HS2ST1: variants seen among roughly 807,000 people sequenced by gnomAD.
HS2ST1 encodes the protein heparan sulfate 2-O-sulfotransferase 1, also known as 2-O-sulfotransferase.
HS2ST1 carries 18 observed loss-of-function variants against 42.9 expected under a neutral mutation model. The ratio of observed to expected loss-of-function variants is 0.42; its 90% confidence interval spans 0.29 to 0.62. The LOEUF (loss-of-function observed/expected upper bound fraction) is 0.62. HS2ST1 is among the 20% of genes least tolerant of loss of function. The probability of loss-of-function intolerance (pLI) is 0.21; values close to 1 mark genes in which losing one functional copy is unlikely to be tolerated. For synonymous variants in HS2ST1, 146 were observed against 152.9 expected (o/e 0.95, Z 0.33); for missense variants, 334 against 433.8 (o/e 0.77, Z 2.04).
At chr1:86,936,392 C>A (rs1660654099) in intron 1 of HS2ST1, among the ~76,000 whole-genome samples, 1 of 152,030 alleles carries the variant, frequency 6.6e-6, no homozygotes, top group Non-Finnish European at 1.5e-5. Context: ...GTATAATAGT[C>A]CTCGAGTTTC....
At chr1:87,063,177 CTTGT>C (rs1397479680) in intron 1 of HS2ST1, among the ~76,000 whole-genome samples, 6 of 152,086 alleles carry the variant, frequency 3.9e-5, no homozygotes, top group African/African-American at 1.4e-4. Flanking sequence ...TTCTTGAGCT[CTTGT>C]TTGTTTTTGT....
intron 1 of HS2ST1, among the ~76,000 whole-genome samples, chr1:87,064,182 C>T (rs1026466283): frequency 6.6e-6 from 1 of 152,158 alleles, no homozygotes; most frequent in Non-Finnish European, 1.5e-5. Context: ...CTTTCCTGGT[C>T]CTTTGGCTAC....
At chr1:87,073,874 G>A (rs1031154067) in intron 2 of HS2ST1, among the ~76,000 whole-genome samples, 2 of 152,186 alleles carry the variant, frequency 1.3e-5, no homozygotes, top group African/African-American at 4.8e-5. Context: ...TCCACCCCAT[G>A]AGAAGGAAAG....
intron 1 of HS2ST1, among the ~76,000 whole-genome samples, chr1:86,960,498 T>C (rs568993998): frequency 7.2e-5 from 11 of 152,328 alleles, no homozygotes; most frequent in Middle Eastern, 3.4e-3. Context: ...ACTAAAGAGA[T>C]AAGTCACAGA....
intron 1 of HS2ST1, among the ~76,000 whole-genome samples, chr1:87,007,083 G>A (rs1436004716): frequency 1.3e-5 from 2 of 151,990 alleles, no homozygotes; most frequent in Non-Finnish European, 1.5e-5. Flanking sequence ...TGGTCAACAA[G>A]TTCTGTATAG....
chr1:87,083,267 G>A (rs1651736076), intron 2 of HS2ST1, among the ~76,000 whole-genome samples: 1 of 152,142 alleles, frequency 6.6e-6, no homozygotes, highest in Non-Finnish European at 1.5e-5. Context: ...TTGATAAGTT[G>A]TCAGAATTAT....
At chr1:86,944,790 T>C (rs545336124) in intron 1 of HS2ST1, among the ~76,000 whole-genome samples, 10 of 152,142 alleles carry the variant, frequency 6.6e-5, no homozygotes, top group Non-Finnish European at 1.5e-4. Flanking sequence ...TAAATCTGCA[T>C]AGAACCATGA....
At chr1:86,937,250 A>T (rs1040750647) in intron 1 of HS2ST1, among the ~76,000 whole-genome samples, 2 of 152,186 alleles carry the variant, frequency 1.3e-5, no homozygotes, top group African/African-American at 4.8e-5. Flanking sequence ...CTGAGCCTGC[A>T]CCTTCCTCCC....
rs1363772222 is a variant in HS2ST1 at position 86,915,073 on chromosome 1, C to A, written c.37C>A (p.Gln13Lys). Residue 13 changes from glutamine to lysine, a missense_variant, in exon 1 of 7, where the codon CAG (glutamine) becomes AAG (lysine). Gln to Lys is a moderately conservative substitution (Grantham distance 53, BLOSUM62 1). Coordinates refer to ENST00000370550, the MANE Select transcript of HS2ST1 (RefSeq NM_012262.4). ...LLRIMMPPKL[Q>K]LLAVVAFAVA... Reference sequence around the variant, plus strand: ...CAGGATTATGATGCCGCCCAAGTTGCAGCTGCTGGCGGTGGTGGCCTTCGC... The same window carrying A: ...CAGGATTATGATGCCGCCCAAGTTGAAGCTGCTGGCGGTGGTGGCCTTCGC... 12 of 1,614,030 alleles carry A rather than the reference C, an allele frequency of 7.4e-6. No homozygotes were observed. The African/African-American group carries it at 1.6e-4, about 22-fold the overall frequency.
chr1:86,952,773 T>C (rs1647562561), intron 1 of HS2ST1, among the ~76,000 whole-genome samples: 1 of 152,206 alleles, frequency 6.6e-6, no homozygotes, highest in African/African-American at 2.4e-5. Flanking sequence ...ACTGAGGTGC[T>C]ATCAGCTAGC....
At chr1:86,984,971 G>A (rs4656130) in intron 1 of HS2ST1, among the ~76,000 whole-genome samples, 22,601 of 149,924 alleles carry the variant, frequency 0.15, 1,930 homozygotes, top group African/African-American at 0.23. Context: ...TTGAATAGAA[G>A]AATTATTCAT....
intron 1 of HS2ST1, among the ~76,000 whole-genome samples, chr1:86,992,223 G>A (rs1382129929): frequency 7.8e-6 from 1 of 127,976 alleles, no homozygotes; most frequent in African/African-American, 3.0e-5. Flanking sequence ...CCCCTGTTCT[G>A]TGAAAAAATT....
At chr1:86,942,662 T>C (rs1238426276) in intron 1 of HS2ST1, among the ~76,000 whole-genome samples, 1 of 152,198 alleles carries the variant, frequency 6.6e-6, no homozygotes, top group Non-Finnish European at 1.5e-5. Flanking sequence ...GAAAAAGGTA[T>C]TGGGGTAGAG....
chr1:86,998,286 A>G (rs894129177), intron 1 of HS2ST1, among the ~76,000 whole-genome samples: 10 of 152,228 alleles, frequency 6.6e-5, no homozygotes, highest in Admixed American at 5.9e-4. Flanking sequence ...AATACATTCA[A>G]CATCCACAGG....
chr1:87,051,728 G>A (rs1013339039), intron 1 of HS2ST1, among the ~76,000 whole-genome samples: 14 of 151,912 alleles, frequency 9.2e-5, no homozygotes, highest in Non-Finnish European at 1.5e-4. Flanking sequence ...TTGCATTGTG[G>A]GCATGTTGAA....
chr1:87,034,256 C>G (rs1219501800), intron 1 of HS2ST1, among the ~76,000 whole-genome samples: 1 of 152,072 alleles, frequency 6.6e-6, no homozygotes, highest in African/African-American at 2.4e-5. Flanking sequence ...TTTTACATTG[C>G]AAATATAATA....
At chr1:87,039,645 A>G (rs1244741800) in intron 1 of HS2ST1, among the ~76,000 whole-genome samples, 1 of 152,188 alleles carries the variant, frequency 6.6e-6, no homozygotes, top group Admixed American at 6.5e-5. Context: ...CAGTTCAGTA[A>G]TCTATTCAGT....
intron 3 of HS2ST1, among the ~76,000 whole-genome samples, chr1:87,084,920 T>C (rs114298831): frequency 0.025 from 3,731 of 151,918 alleles, 48 homozygotes; most frequent in South Asian, 0.057. Context: ...GCTGGGATTA[T>C]AGGCATGAGC....
At chr1:87,058,976 G>T (rs1007426208) in intron 1 of HS2ST1, among the ~76,000 whole-genome samples, 1 of 151,928 alleles carries the variant, frequency 6.6e-6, no homozygotes, top group Non-Finnish European at 1.5e-5. Flanking sequence ...GGAGAATGGC[G>T]TGAACCCAGG....
Sources: gnomAD v4.1 joint callset for allele counts (sites outside exome capture counted in the v4.1 genomes callset) on GRCh38, gnomAD v4.1.1 for gene constraint, MANE v1.5 for transcripts, NCBI Gene and HGNC (gene_info 2026-07-23, HGNC 2026-07-21) for gene names.